EPHA5: variants seen among roughly 807,000 people sequenced by gnomAD.
The protein encoded by EPHA5 is EPH receptor A5.
EPHA5 carries 60 observed loss-of-function variants against 105.0 expected under a neutral mutation model. That is an observed-to-expected ratio of 0.57 (90% CI 0.46 to 0.71). The LOEUF is 0.71. Among genes scored for constraint, EPHA5 ranks in the 30% least tolerant of loss-of-function variants. The pLI is 0.00. For synonymous variants in EPHA5, 513 were observed against 449.1 expected (o/e 1.14, Z -1.80); for missense variants, 1,218 against 1,274.7 (o/e 0.96, Z 0.68).
At position 65,579,379 on chromosome 4, in the gene EPHA5, T is replaced by TAA. The variant is rs1387785539; in HGVS notation, c.910+22261_910+22262insTT. Reference sequence around the variant, plus strand: ...GTGTGTATATATATATATATATAAATATATATATATAAAATATTTATTCTA... The same window carrying TAA: ...GTGTGTATATATATATATATATAAATAAATATATATATAAAATATTTATTCTA... On this transcript the variant is annotated intron_variant, in intron 3 of 16. Coordinates refer to ENST00000613740, the MANE Select transcript of EPHA5 (RefSeq NM_001281766.3). Among the ~76,000 whole-genome samples, 25 of 126,478 alleles carry TAA rather than the reference T, an allele frequency of 2.0e-4. No individual in the cohort carries two copies. In the South Asian group the frequency reaches 5.9e-3, roughly 30 times the overall value. The allele number at this position is 126,478 out of a possible 152,430, so 83.0% of individuals were successfully genotyped here.
intron 5 of EPHA5, among the ~76,000 whole-genome samples, chr4:65,446,642 AC>A (rs2149097415): frequency 6.6e-6 from 1 of 151,652 alleles, no homozygotes; most frequent in Admixed American, 6.6e-5. Flanking sequence ...TGAATAATGT[AC>A]AGAAATAGTC....
chr4:65,616,426 C>A (rs1163675286), intron 2 of EPHA5, among the ~76,000 whole-genome samples: 1 of 119,346 alleles, frequency 8.4e-6, no homozygotes, highest in African/African-American at 3.1e-5. Flanking sequence ...AGACTTAATG[C>A]ATACACACAC....
chr4:65,400,431 C>G (rs1055958391), intron 8 of EPHA5, among the ~76,000 whole-genome samples: 4 of 152,106 alleles, frequency 2.6e-5, no homozygotes, highest in African/African-American at 9.7e-5. Flanking sequence ...GAAAATACCC[C>G]ATAGATTACT....
chr4:65,549,518 G>T (rs1737690469), intron 3 of EPHA5, among the ~76,000 whole-genome samples: 1 of 149,978 alleles, frequency 6.7e-6, no homozygotes, highest in Admixed American at 6.7e-5. Context: ...TTGGGTTTGG[G>T]AAAGAGTTAC....
At chr4:65,534,628 A>T (rs1025753108) in intron 3 of EPHA5, among the ~76,000 whole-genome samples, 3 of 152,232 alleles carry the variant, frequency 2.0e-5, no homozygotes, top group Non-Finnish European at 4.4e-5. Context: ...TTCCATGCAC[A>T]TGCATAGCAT....
At chr4:65,498,136 C>T (rs946660186) in intron 3 of EPHA5, among the ~76,000 whole-genome samples, 5 of 151,774 alleles carry the variant, frequency 3.3e-5, no homozygotes, top group African/African-American at 4.8e-5. Flanking sequence ...GGGAGAAATC[C>T]TTGCAAAGGA....
intron 8 of EPHA5, among the ~76,000 whole-genome samples, 183 bp downstream of exon 8, chr4:65,404,191 G>T (rs955989492): frequency 6.6e-6 from 1 of 152,058 alleles, no homozygotes; most frequent in South Asian, 2.1e-4. Flanking sequence ...GAGAAATTGT[G>T]GGCTTAAAAA....
chr4:65,348,810 TA>T (rs1207246949), intron 13 of EPHA5, among the ~76,000 whole-genome samples: 804 of 65,624 alleles, frequency 0.012, 89 homozygotes, highest in African/African-American at 0.037. Context: ...TATATATATA[TA>T]TATATTTTTT....
chr4:65,591,180 C>T (rs1742608926), intron 3 of EPHA5, among the ~76,000 whole-genome samples: 1 of 152,024 alleles, frequency 6.6e-6, no homozygotes, highest in Non-Finnish European at 1.5e-5. Context: ...CCGTTTTCCA[C>T]ATGGAAGGAT....
intron 5 of EPHA5, among the ~76,000 whole-genome samples, chr4:65,457,271 T>G (rs1194695853): frequency 6.6e-6 from 1 of 152,176 alleles, no homozygotes; most frequent in African/African-American, 2.4e-5. Context: ...CTTAGGCTTC[T>G]AGTGACTTCT....
intron 1 of EPHA5, among the ~76,000 whole-genome samples, chr4:65,653,811 T>C (rs531837105): frequency 2.9e-4 from 44 of 152,192 alleles, no homozygotes; most frequent in African/African-American, 9.6e-4. Context: ...GTGGCAGACG[T>C]TGTTTTATGC....
Position 65,639,133 on chromosome 4 carries a change from A to C in EPHA5, c.246+4230T>G, listed in dbSNP as rs541998201. ...CATTTTTCAAACTTGAGGGAAATCA[A>C]ATAATCAGTTTATGTTTCCCTATGG... On this transcript the variant is annotated intron_variant, in intron 2 of 16. Coordinates refer to ENST00000613740, the MANE Select transcript of EPHA5 (RefSeq NM_001281766.3). Among the ~76,000 whole-genome samples the C allele has an allele frequency of 1.5e-4, 23 of 152,366 alleles. No homozygotes were observed. In the South Asian group the frequency reaches 4.6e-3, roughly 30 times the overall value.
chr4:65,370,263 A>G (rs947607971), intron 8 of EPHA5, among the ~76,000 whole-genome samples: 3 of 152,160 alleles, frequency 2.0e-5, no homozygotes, highest in Non-Finnish European at 4.4e-5. Context: ...TTGTCTTTCA[A>G]GCTAAGTTTT....
intron 3 of EPHA5, among the ~76,000 whole-genome samples, chr4:65,540,121 G>C (rs1376367164): frequency 1.3e-5 from 2 of 151,390 alleles, no homozygotes; most frequent in Non-Finnish European, 3.0e-5. Flanking sequence ...TGTCAAGAAT[G>C]TACAAAAGCT....
At chr4:65,593,678 T>C (rs962315836) in intron 3 of EPHA5, among the ~76,000 whole-genome samples, 1 of 152,194 alleles carries the variant, frequency 6.6e-6, no homozygotes, top group African/African-American at 2.4e-5. Flanking sequence ...ATTTAATATT[T>C]CACAGAGGAA....
At chr4:65,511,902 A>G (rs1733662105) in intron 3 of EPHA5, among the ~76,000 whole-genome samples, 1 of 152,216 alleles carries the variant, frequency 6.6e-6, no homozygotes, top group Non-Finnish European at 1.5e-5. Flanking sequence ...GCTGAAATAC[A>G]GAGTAAAAGA....
At chr4:65,403,756 ATATAT>A (rs1347445965) in intron 8 of EPHA5, among the ~76,000 whole-genome samples, 4 of 152,198 alleles carry the variant, frequency 2.6e-5, no homozygotes, top group South Asian at 2.1e-4. Flanking sequence ...TAGATATGTA[ATATAT>A]TATATATTCA....
chr4:65,448,349 A>T (rs28688968), intron 5 of EPHA5, among the ~76,000 whole-genome samples: 20,481 of 152,092 alleles, frequency 0.13, 1,929 homozygotes, highest in East Asian at 0.4. Context: ...TTATTAAAAA[A>T]CAAAAATACA....
intron 3 of EPHA5, among the ~76,000 whole-genome samples, chr4:65,600,886 G>A (rs900389201): frequency 2.0e-5 from 3 of 152,014 alleles, no homozygotes; most frequent in East Asian, 1.9e-4. Flanking sequence ...ACCACACTGC[G>A]GGCAAAATGA....
Sources: allele counts gnomAD v4.1 joint callset (sites outside exome capture counted in the v4.1 genomes callset), GRCh38; gene constraint gnomAD v4.1.1; transcripts MANE v1.5; gene names NCBI Gene and HGNC (gene_info 2026-07-23, HGNC 2026-07-21).